The following STAC3 variants were observed in gnomAD, a reference collection of about 807,000 sequenced individuals.
STAC3 encodes the protein SH3 and cysteine-rich domain-containing protein 3.
A neutral mutation model predicts 48.5 loss-of-function variants in STAC3; 30 were observed. The ratio of observed to expected loss-of-function variants is 0.62; its 90% CI spans 0.46 to 0.84. The LOEUF (loss-of-function observed/expected upper bound fraction) is 0.84, where lower values mean the gene tolerates loss of function less well. STAC3 is among the 40% of genes least tolerant of loss of function. The pLI, the probability that STAC3 is intolerant of heterozygous loss-of-function variation, is 0.00. For missense variants in STAC3, 419 were observed against 462.6 expected (o/e 0.91, Z 0.86); for synonymous variants, 144 against 158.6 (o/e 0.91, Z 0.69).
At chr12:57,247,419 A>ATTTTTTTTTTTTTTTTTTT (rs1360362639) in intron 5 of STAC3, among the ~76,000 whole-genome samples, 5 of 88,672 alleles carry the variant, frequency 5.6e-5, no homozygotes, top group African/African-American at 2.4e-4. Flanking sequence ...TATTATTATT[A>ATTTTTTTTTTTTTTTTTTT]TTATTATTAT....
Position 57,248,791 on chromosome 12 carries a change from A to G in STAC3, c.347T>C (p.Phe116Ser). The change falls in exon 4 of 12, where the codon TTT (phenylalanine) becomes TCT (serine). Residue 116 changes from phenylalanine to serine, a missense_variant. Coordinates refer to ENST00000332782, the MANE Select transcript of STAC3 (RefSeq NM_145064.3). ...TTTGCAGTTCTTACAGCGAAGCCCA[A>G]ACTTGTTGTTGACTTGGGAAAGGGG... ...CARMIVLNNK[F>S]GLRCKNCKTN... 1 of 1,614,016 alleles carries G rather than the reference A, an allele frequency of 6.2e-7. No homozygotes were observed. The highest frequency in any genetic ancestry group is 8.5e-7 in the Non-Finnish European group (1 of 1,179,936).
rs569928012 is a variant in STAC3 at position 57,248,136 on chromosome 12, G to C, written c.495C>G (p.Val165=). The C allele has an allele frequency of 6.2e-7, 1 of 1,613,844 alleles. No individual in the cohort carries two copies. Among genetic ancestry groups the C allele is most frequent in the African/African-American group, 1.3e-5 (1 of 75,028 alleles). The change falls in exon 5 of 12, where the codon GTC becomes GTG. Residue 165 remains valine, a synonymous_variant. Coordinates refer to ENST00000332782, the MANE Select transcript of STAC3 (RefSeq NM_145064.3). ...PLYSNQQYAC[V]KDLSAANRND... ...ATAAAGGGCACTTACAGAGATCTTTGACACAAGCGTACTGCTGGTTGCTGT... is the reference window on the plus strand; with the variant it reads ...ATAAAGGGCACTTACAGAGATCTTTCACACAAGCGTACTGCTGGTTGCTGT...
At chr12:57,248,987 C>T (rs946863454) in intron 3 of STAC3, 54 bp downstream of exon 3, 3 of 1,562,054 alleles carry the variant, frequency 1.9e-6, no homozygotes, top group African/African-American at 2.7e-5. Context: ...TATGCCCTCT[C>T]CCCAAACCTC....
At chr12:57,244,398 T>G (rs760070851) in intron 9 of STAC3, 32 bp from the exon 10 acceptor site, 9 of 1,613,498 alleles carry the variant, frequency 5.6e-6, no homozygotes, top group Middle Eastern at 1.6e-4. Flanking sequence ...CTCACTCACA[T>G]AGCAGGTCCC....
chr12:57,247,867 T>C (rs1220315505), intron 5 of STAC3, among the ~76,000 whole-genome samples: 1 of 152,164 alleles, frequency 6.6e-6, no homozygotes, highest in Non-Finnish European at 1.5e-5. Context: ...AGAGCACAGA[T>C]TCTGAAGCTA....
At chr12:57,249,352 C>A in intron 2 of STAC3, 44 bp from the exon 3 acceptor site, 2 of 1,540,896 alleles carry the variant, frequency 1.3e-6, no homozygotes, top group South Asian at 2.5e-5. Context: ...AAGGACTTGT[C>A]ACCCTCTCTA....
At position 57,243,630 on chromosome 12, in the gene STAC3, G is replaced by C. The variant is rs951023407; in HGVS notation, c.*182C>G. 2 of 713,392 alleles carry C rather than the reference G, an allele frequency of 2.8e-6. No individual in the cohort carries two copies. The highest frequency in any genetic ancestry group is 5.1e-6 in the Non-Finnish European group (2 of 395,850). 44.2% of individuals were successfully genotyped at this position (713,392 alleles called of 1,614,324 possible). ...GGGCTGCTCTGGGCAGCAGGTATCC[G>C]AGGCCCCAGGCTGGGGAAGGGGGCG... On this transcript the variant is annotated 3_prime_UTR_variant, in exon 12 of 12. Transcript: ENST00000332782.
rs1565782542 is a variant in STAC3, at chr12:57,248,161, T to C, written c.470A>G (p.Tyr157Cys). Residue 157 changes from tyrosine to cysteine, a missense_variant, in exon 5 of 12, where the codon TAC (tyrosine) becomes TGC (cysteine). Tyr to Cys is a radical substitution (Grantham distance 194). Transcript: ENST00000332782. ...GACACAAGCGTACTGCTGGTTGCTG[T>C]AGAGTGGGGAACTATAGGCCCGATG... ...GFHRAYSSPL[Y>C]SNQQYACVKD... is the part of the protein sequence containing the mutation. 3.1e-6 allele frequency: 5 copies of C among 1,613,940 alleles called. No homozygotes were observed. Among genetic ancestry groups the C allele is most frequent in the Non-Finnish European group, 4.2e-6 (5 of 1,179,940 alleles).
At position 57,249,261 on chromosome 12, in the gene STAC3, C is replaced by T; in HGVS notation, c.114G>A (p.Lys38=). Residue 38 remains lysine, a synonymous_variant, in exon 3 of 12, where the codon AAG becomes AAA. Transcript: ENST00000332782. ...QLLRKGSTGT[K]EMELPPEPQA... ...GGGGCTCTGGGGGAAGTTCCATCTCCTTTGTCCCTGTAGAACCCTTCCTGA... is the reference window on the plus strand; with the variant it reads ...GGGGCTCTGGGGGAAGTTCCATCTCTTTTGTCCCTGTAGAACCCTTCCTGA... The T allele has an allele frequency of 6.2e-7, 1 of 1,613,380 alleles. No individual in the cohort carries two copies. Among genetic ancestry groups the T allele is most frequent in the Non-Finnish European group, 8.5e-7 (1 of 1,179,654 alleles).
rs1380789337 is a variant in STAC3, at chr12:57,247,422, A to AT, written c.506-522dup. Among the ~76,000 whole-genome samples the AT allele has an allele frequency of 3.2e-3, 221 of 68,332 alleles. 2 individuals are homozygous for AT. Among genetic ancestry groups the AT allele is most frequent in the African/African-American group, 6.4e-3 (105 of 16,344 alleles). 44.8% of individuals were successfully genotyped at this position (68,332 alleles called of 152,430 possible). On this transcript the variant is annotated intron_variant, in intron 5 of 11. Transcript: ENST00000332782. Reference sequence around the variant, plus strand: ...TTGCCAAATTATTATTATTATTATTATTATTATTTTTTTTTTTTTTTTTTT... The same window carrying AT: ...TTGCCAAATTATTATTATTATTATTATTTATTATTTTTTTTTTTTTTTTTTT...
chr12:57,248,376 TC>T (rs2037810981), intron 4 of STAC3, 178 bp from the exon 5 acceptor site: 7 of 546,716 alleles, frequency 1.3e-5, no homozygotes, highest in South Asian at 8.7e-5. Context: ...ACATGTCCCC[TC>T]TTTTTTTTTT....
intron 1 of STAC3, among the ~76,000 whole-genome samples, chr12:57,250,045 A>G (rs2037865661): frequency 6.6e-6 from 1 of 152,188 alleles, no homozygotes; most frequent in Non-Finnish European, 1.5e-5. Context: ...ACTGGGCCAA[A>G]TACAGATCCT....
Position 57,245,224 on chromosome 12 carries a change from C to T in STAC3, c.604-13G>A. The T allele has an allele frequency of 6.2e-7, 1 of 1,613,732 alleles. No individual in the cohort carries two copies. Among genetic ancestry groups the T allele is most frequent in the South Asian group, 1.1e-5 (1 of 91,020 alleles). ...TGGCTGCTACAGGCTGGAGGGGGCA[C>T]CAGAGTTAGGGAGACGCTGTCTTGG... On this transcript the variant is annotated splice_polypyrimidine_tract_variant and intron_variant, in intron 6 of 11. Transcript: ENST00000332782.
chr12:57,251,115 T>A lies in STAC3; in HGVS notation c.-124A>T. 4.4e-6 allele frequency: 2 copies of A among 453,308 alleles called. No homozygotes were observed. The highest frequency in any genetic ancestry group is 8.8e-6 in the Non-Finnish European group (2 of 226,212). 28.1% of individuals were successfully genotyped at this position (453,308 alleles called of 1,614,324 possible). A position where few individuals can be genotyped will look rare whatever the true frequency, so the allele number is the denominator to read the frequency against. On this transcript the variant is annotated 5_prime_UTR_variant, in exon 1 of 12. Coordinates refer to ENST00000332782, the MANE Select transcript of STAC3 (RefSeq NM_145064.3). ...GGGGCTAAGCCCCCCCAGTACCCCC[T>A]GTGTTCACACCAGCTACCCAGTCGC...
At position 57,249,595 on chromosome 12, in the gene STAC3, G is replaced by T. The variant is rs771921089; in HGVS notation, c.42C>A (p.Phe14Leu). Reference protein sequence around the residue: ...KEVLESPKPSFPAETRQSGLQ... With the variant: ...KEVLESPKPSLPAETRQSGLQ... ...CCCCACTTTGCCGAGTCTCTGCTGG[G>T]AAGGAGGGCTTAGGGGACTCCAGCA... The change falls in exon 2 of 12, where the codon TTC becomes TTA. Residue 14 changes from phenylalanine (F) to leucine (L), a missense_variant. Coordinates refer to ENST00000332782, the MANE Select transcript of STAC3 (RefSeq NM_145064.3). The T allele has an allele frequency of 6.2e-7, 1 of 1,614,080 alleles. No homozygotes were observed. The highest frequency in any genetic ancestry group is 8.5e-7 in the Non-Finnish European group (1 of 1,180,014).
chr12:57,248,002 A>C, intron 5 of STAC3, 124 bp downstream of exon 5: 1 of 868,062 alleles, frequency 1.2e-6, no homozygotes, highest in Admixed American at 1.8e-5. Flanking sequence ...TAAAAATGTG[A>C]GGTTGAGGGA....
At position 57,243,911 on chromosome 12, in the gene STAC3, C is replaced by T. The variant is rs779483367; in HGVS notation, c.997-1G>A. ...CTTCGTCTCCTTTCTGCACCACGAT[C>T]TAGAAGATTAAAGGATCAGAAGTAG... On this transcript the variant is annotated splice_acceptor_variant, in intron 11 of 11. Transcript: ENST00000332782. LOFTEE classifies it high-confidence loss of function. 1 of 1,613,738 alleles carries T rather than the reference C, an allele frequency of 6.2e-7. No homozygotes were observed. Among genetic ancestry groups the T allele is most frequent in the Admixed American group, 1.7e-5 (1 of 59,940 alleles).
intron 5 of STAC3, among the ~76,000 whole-genome samples, chr12:57,247,636 C>T (rs2037782975): frequency 6.6e-6 from 1 of 151,658 alleles, no homozygotes; most frequent in South Asian, 2.1e-4. Flanking sequence ...GGGGTTTCAC[C>T]GTGGTCTCGA....
At chr12:57,247,553 C>T (rs1363156750) in intron 5 of STAC3, among the ~76,000 whole-genome samples, 1 of 151,420 alleles carries the variant, frequency 6.6e-6, no homozygotes, top group African/African-American at 2.4e-5. Context: ...CCTGCCTCAG[C>T]CTCTCCGAGT....
Sources: gnomAD v4.1 joint callset for allele counts (sites outside exome capture counted in the v4.1 genomes callset) on GRCh38, gnomAD v4.1.1 for gene constraint, MANE v1.5 for transcripts, NCBI Gene and HGNC (gene_info 2026-07-23, HGNC 2026-07-21) for gene names.